The following UPF3B variants were observed in gnomAD, a reference collection of about 807,000 sequenced individuals.
UPF3B encodes regulator of nonsense transcripts 3B.
A neutral mutation model predicts 40.3 loss-of-function variants in UPF3B; 7 were observed. The observed-to-expected ratio is 0.17, with a 90% CI of 0.10 to 0.33. UPF3B has a LOEUF of 0.33. UPF3B is among the 10% of genes least tolerant of loss of function. The pLI is 1.00. For missense variants in UPF3B, 229 were observed against 358.9 expected (o/e 0.64, Z 2.93); for synonymous variants, 117 against 117.3 (o/e 1.00, Z 0.01).
intron 6 of UPF3B, chrX:119,807,440 CT>C: frequency 1.1e-6 from 1 of 874,670 alleles, no homozygotes; most frequent in Non-Finnish European, 1.5e-6. Context: ...TTAACACTCC[CT>C]TCCTCCTTCT....
intron 3 of UPF3B, among the ~76,000 whole-genome samples, chrX:119,846,680 A>G (rs190209585): frequency 9.0e-6 from 1 of 110,799 alleles, no homozygotes; most frequent in Non-Finnish European, 1.9e-5. Context: ...AAAAGTAAAA[A>G]TACAGAGGGT....
At chrX:119,826,134 C>G (rs1221450477) in intron 3 of UPF3B, among the ~76,000 whole-genome samples, 1 of 110,768 alleles carries the variant, frequency 9.0e-6, no homozygotes, top group African/African-American at 3.3e-5. Context: ...GCACTCCAGC[C>G]TGGGTAACAG....
intron 5 of UPF3B, among the ~76,000 whole-genome samples, chrX:119,811,727 G>A (rs999175418): frequency 1.8e-5 from 2 of 110,994 alleles, no homozygotes; most frequent in Non-Finnish European, 3.8e-5. Flanking sequence ...TAAGGTGGGC[G>A]GATTGCTTGA....
chrX:119,809,636 A>G (rs967413791), intron 5 of UPF3B, among the ~76,000 whole-genome samples: 3 of 111,974 alleles, frequency 2.7e-5, no homozygotes, highest in African/African-American at 6.5e-5. Context: ...GGAGGAGAAT[A>G]GCTTGAACTG....
At chrX:119,835,988 T>G (rs2056087534) in intron 10 of UPF3B, among the ~76,000 whole-genome samples, 1 of 107,896 alleles carries the variant, frequency 9.3e-6, no homozygotes. Flanking sequence ...AAAAATAAAC[T>G]AAAAACAAAA....
At chrX:119,838,256 T>C in intron 9 of UPF3B, 111 bp downstream of exon 9, 1 of 960,125 alleles carries the variant, frequency 1.0e-6, no homozygotes, top group Non-Finnish European at 1.5e-6. Flanking sequence ...TTCCTCCTCA[T>C]CCCCCTGCCC....
downstream of UPF3B, chrX:119,833,932 G>T: frequency 3.4e-6 from 2 of 593,013 alleles, no homozygotes; most frequent in Non-Finnish European, 4.1e-6. Flanking sequence ...GCTCCCTTAG[G>T]CTTCACTAGA....
At chrX:119,842,079 T>A (rs1185725290) in intron 5 of UPF3B, among the ~76,000 whole-genome samples, 1 of 111,897 alleles carries the variant, frequency 8.9e-6, no homozygotes, top group East Asian at 2.8e-4. Context: ...CTGATAGGAG[T>A]GTAAACTTGT....
intron 5 of UPF3B, among the ~76,000 whole-genome samples, chrX:119,812,574 TTTCTC>T (rs973767890): frequency 2.7e-5 from 3 of 111,564 alleles, no homozygotes; most frequent in Admixed American, 9.6e-5. Context: ...TTGAAACACT[TTTCTC>T]TTAGATTAAG....
chrX:119,817,249 G>C (rs1196629284), intron 4 of UPF3B, among the ~76,000 whole-genome samples: 1 of 112,113 alleles, frequency 8.9e-6, no homozygotes, highest in Non-Finnish European at 1.9e-5. Context: ...TTACAGGGGT[G>C]AGCCACCAAG....
rs1489553041 is a variant in UPF3B at position 119,837,839 on chromosome X, G to A, written c.1220C>T (p.Ala407Val). Residue 407 changes from alanine to valine, a missense_variant, in exon 10 of 11, where the codon GCT (alanine) becomes GTT (valine). Ala to Val is a moderately conservative substitution (Grantham distance 64). Around this residue, in one of 3 missense-constraint regions of UPF3B, gnomAD observed 119 missense variants for 153.8 expected, o/e 0.77. Coordinates refer to ENST00000276201, the MANE Select transcript of UPF3B (RefSeq NM_080632.3). The part of the protein sequence containing the change: ...KDTLRDKGKK[A>V]ESTESIGSSE... Reference sequence around the variant, plus strand: ...GCTGCCTATTGATTCTGTACTTTCAGCCTTCTTTCCTTTATCCCGAAGTGT... The same window carrying A: ...GCTGCCTATTGATTCTGTACTTTCAACCTTCTTTCCTTTATCCCGAAGTGT... 13 of 1,209,836 alleles carry A rather than the reference G, an allele frequency of 1.1e-5. No homozygotes were observed. Among genetic ancestry groups the A allele is most frequent in the Non-Finnish European group, 1.5e-5 (13 of 894,943 alleles).
At chrX:119,811,023 T>C (rs765001540) in intron 5 of UPF3B, among the ~76,000 whole-genome samples, 1 of 109,866 alleles carries the variant, frequency 9.1e-6, no homozygotes, top group African/African-American at 3.3e-5. Context: ...TTTTATCTTT[T>C]ACGTCTATTT....
At chrX:119,808,273 TAGA>T (rs1338837772) in intron 5 of UPF3B, among the ~76,000 whole-genome samples, 1 of 110,931 alleles carries the variant, frequency 9.0e-6, no homozygotes, top group African/African-American at 3.3e-5. Flanking sequence ...GGGAGCAAAC[TAGA>T]AGAAGAAAGG....
At chrX:119,811,075 G>A (rs1286721454) in intron 5 of UPF3B, among the ~76,000 whole-genome samples, 1 of 106,084 alleles carries the variant, frequency 9.4e-6, no homozygotes, top group Non-Finnish European at 1.9e-5. Context: ...GTCTGGCTCT[G>A]TCACCCAGGC....
chrX:119,850,550 T>C (rs1312711029), intron 3 of UPF3B, among the ~76,000 whole-genome samples: 2 of 111,462 alleles, frequency 1.8e-5, no homozygotes, highest in African/African-American at 6.5e-5. Flanking sequence ...TGAAGTAATA[T>C]TGAAAAAAAC....
Position 119,840,690 on chromosome X carries a change from G to A in UPF3B, c.808-6C>T. ...TGTAACAGAAACCTGTGTACCTGAA[G>A]ACAGTGGAAAACAAACAGATGAGGT... On this transcript the variant is annotated splice_region_variant and splice_polypyrimidine_tract_variant and intron_variant, in intron 7 of 10. Coordinates refer to ENST00000276201, the MANE Select transcript of UPF3B (RefSeq NM_080632.3). 1.7e-6 allele frequency: 2 copies of A among 1,207,011 alleles called. No homozygotes were observed. Among genetic ancestry groups the A allele is most frequent in the Non-Finnish European group, 2.2e-6 (2 of 892,555 alleles).
At chrX:119,827,041 CAG>C (rs1384919230) in intron 3 of UPF3B, among the ~76,000 whole-genome samples, 5 of 111,866 alleles carry the variant, frequency 4.5e-5, no homozygotes, top group African/African-American at 9.7e-5. Context: ...AAAGTTTCAC[CAG>C]AGAGTCCTTT....
At chrX:119,820,311 AT>A (rs904587518) in intron 4 of UPF3B, among the ~76,000 whole-genome samples, 1 of 80,959 alleles carries the variant, frequency 1.2e-5, no homozygotes, top group African/African-American at 4.8e-5. Flanking sequence ...GCCCGGCCAA[AT>A]TTTTTTTTTG....
intron 8 of UPF3B, among the ~76,000 whole-genome samples, chrX:119,840,125 T>C (rs2056144697): frequency 8.9e-6 from 1 of 111,819 alleles, no homozygotes. Context: ...GTACTAGTAC[T>C]TCCCCAGGAA....
Sources: allele counts gnomAD v4.1 joint callset (sites outside exome capture counted in the v4.1 genomes callset), GRCh38; gene constraint gnomAD v4.1.1; regional missense constraint gnomAD v4.1.1; transcripts MANE v1.5; gene names NCBI Gene and HGNC (gene_info 2026-07-23, HGNC 2026-07-21).